Variants in MAPK10 observed in about 807,000 individuals in gnomAD.
MAPK10 encodes mitogen-activated protein kinase 10.
Under a neutral mutation model 59.3 loss-of-function variants are expected in MAPK10, and 25 were observed. That is an observed-to-expected ratio of 0.42 (90% confidence interval 0.31 to 0.59). The LOEUF (loss-of-function observed/expected upper bound fraction) is 0.59, where lower values mean the gene tolerates loss of function less well. Ranked by LOEUF, MAPK10 falls within the 20% of genes least tolerant of loss-of-function variation. The pLI, the probability that MAPK10 is intolerant of heterozygous loss-of-function variation, is 0.15. For missense variants in MAPK10, 351 were observed against 568.9 expected (o/e 0.62, Z 3.90); for synonymous variants, 190 against 200.5 (o/e 0.95, Z 0.44).
intron 2 of MAPK10, among the ~76,000 whole-genome samples, chr4:86,309,281 C>T (rs951422666): frequency 3.3e-5 from 5 of 152,152 alleles, no homozygotes; most frequent in African/African-American, 9.7e-5. Flanking sequence ...TGCTGCTCAG[C>T]GTGAATATCT....
At chr4:86,167,650 T>G (rs754148635) in intron 3 of MAPK10, among the ~76,000 whole-genome samples, 1 of 152,186 alleles carries the variant, frequency 6.6e-6, no homozygotes, top group East Asian at 1.9e-4. Context: ...AGAAAAGGCC[T>G]TTGATAAAAT....
At chr4:86,040,089 G>A (rs2041197873) in intron 11 of MAPK10, among the ~76,000 whole-genome samples, 1 of 152,142 alleles carries the variant, frequency 6.6e-6, no homozygotes, top group Non-Finnish European at 1.5e-5. Context: ...AGACATCAGT[G>A]TAAGGAAATA....
intron 1 of MAPK10, among the ~76,000 whole-genome samples, chr4:86,460,625 CCA>C (rs1190571416): frequency 1.3e-5 from 2 of 152,194 alleles, no homozygotes; most frequent in Non-Finnish European, 2.9e-5. Flanking sequence ...GCCATGACGC[CCA>C]CGCTGGAAGG....
intron 2 of MAPK10, among the ~76,000 whole-genome samples, chr4:86,317,292 C>A (rs2095806718): frequency 6.6e-6 from 1 of 152,178 alleles, no homozygotes; most frequent in Admixed American, 6.6e-5. Context: ...GCCTCCCATG[C>A]ATCTGAGGTT....
At chr4:86,546,147 T>C (rs772491518) in intron 1 of MAPK10, among the ~76,000 whole-genome samples, 20 of 152,086 alleles carry the variant, frequency 1.3e-4, no homozygotes, top group Non-Finnish European at 2.6e-4. Context: ...CTATTGAACC[T>C]GGGAGGCAGA....
At chr4:86,592,824 C>T (rs1258479652) in intron 1 of MAPK10, among the ~76,000 whole-genome samples, 1 of 152,236 alleles carries the variant, frequency 6.6e-6, no homozygotes, top group African/African-American at 2.4e-5. Context: ...CTTCCATAAA[C>T]TGAGGAATCC....
chr4:86,238,645 C>A (rs2092471641), intron 2 of MAPK10, among the ~76,000 whole-genome samples: 1 of 152,016 alleles, frequency 6.6e-6, no homozygotes, highest in African/African-American at 2.4e-5. Context: ...TGGCTCTCCG[C>A]TTGCCTATTG....
In MAPK10 at chr4:86,110,952, T is replaced by C. The variant is rs147295748; in HGVS notation, c.237-3600A>G. ...TTAAAGAAGTCCTTTATGTCCCTTGTTAGCTGTATTCCTAGGTATTTTATT... is the reference window on the plus strand; with the variant it reads ...TTAAAGAAGTCCTTTATGTCCCTTGCTAGCTGTATTCCTAGGTATTTTATT... On this transcript the variant is annotated intron_variant, in intron 4 of 13. Coordinates refer to ENST00000641462, the MANE Select transcript of MAPK10 (RefSeq NM_138982.4). Among the ~76,000 whole-genome samples the C allele has an allele frequency of 9.1e-3, 1,386 of 152,266 alleles. 10 individuals carry two copies. The highest frequency in any genetic ancestry group is 0.024 in the Middle Eastern group (7 of 294).
intron 1 of MAPK10, among the ~76,000 whole-genome samples, chr4:86,494,124 A>G (rs1427886518): frequency 2.6e-5 from 4 of 152,314 alleles, no homozygotes; most frequent in South Asian, 2.1e-4. Flanking sequence ...TTCTTTCTCC[A>G]TGCAGCTTAG....
intron 9 of MAPK10, among the ~76,000 whole-genome samples, chr4:86,077,354 G>T (rs186388722): frequency 6.6e-6 from 1 of 152,056 alleles, no homozygotes; most frequent in Non-Finnish European, 1.5e-5. Context: ...TTTCTAAAAC[G>T]ATAATGCCTT....
intron 10 of MAPK10, among the ~76,000 whole-genome samples, chr4:86,067,026 T>C (rs1044829516): frequency 6.6e-6 from 1 of 152,180 alleles, no homozygotes; most frequent in Non-Finnish European, 1.5e-5. Context: ...TATTAAAAAT[T>C]AAATTCAATA....
intron 11 of MAPK10, among the ~76,000 whole-genome samples, chr4:86,034,623 A>T (rs2039801430): frequency 1.3e-5 from 2 of 152,208 alleles, no homozygotes; most frequent in African/African-American, 4.8e-5. Flanking sequence ...GTGACTGCTG[A>T]CCACAAGGAG....
intron 2 of MAPK10, among the ~76,000 whole-genome samples, chr4:86,263,964 C>G (rs980025002): frequency 6.6e-6 from 1 of 152,156 alleles, no homozygotes; most frequent in African/African-American, 2.4e-5. Flanking sequence ...GCAAAAATCT[C>G]TCATTGCTAA....
intron 4 of MAPK10, among the ~76,000 whole-genome samples, chr4:86,136,434 T>A (rs560646183): frequency 6.6e-6 from 1 of 151,586 alleles, no homozygotes; most frequent in Non-Finnish European, 1.5e-5. Context: ...CCAGCCAAAC[T>A]AAGCTTCATA....
At chr4:86,566,575 C>A (rs1761074112) in intron 1 of MAPK10, among the ~76,000 whole-genome samples, 1 of 151,910 alleles carries the variant, frequency 6.6e-6, no homozygotes, top group Non-Finnish European at 1.5e-5. Flanking sequence ...ATTAGCCGGG[C>A]ATGGTGCTGG....
At chr4:86,168,073 A>C (rs1040514605) in intron 3 of MAPK10, among the ~76,000 whole-genome samples, 1 of 152,186 alleles carries the variant, frequency 6.6e-6, no homozygotes, top group Non-Finnish European at 1.5e-5. Context: ...AAGCATTCTG[A>C]GAGGACAGCC....
At chr4:86,395,113 A>G (rs1314747074) in intron 1 of MAPK10, among the ~76,000 whole-genome samples, 5 of 152,188 alleles carry the variant, frequency 3.3e-5, no homozygotes, top group Non-Finnish European at 7.3e-5. Context: ...TATTCCATAA[A>G]GCTATTTGGG....
chr4:86,482,913 T>C (rs1322534152), intron 1 of MAPK10, among the ~76,000 whole-genome samples: 1 of 152,220 alleles, frequency 6.6e-6, no homozygotes, highest in Admixed American at 6.6e-5. Flanking sequence ...TTCTCATTTA[T>C]TTTTTGTGTT....
At chr4:86,255,444 A>C (rs1338164875) in intron 2 of MAPK10, among the ~76,000 whole-genome samples, 2 of 152,188 alleles carry the variant, frequency 1.3e-5, no homozygotes, top group East Asian at 3.8e-4. Flanking sequence ...AGAGGAAGAC[A>C]TCTCGAGAGG....
Sources: gnomAD v4.1 joint callset for allele counts (sites outside exome capture counted in the v4.1 genomes callset) on GRCh38, gnomAD v4.1.1 for gene constraint, MANE v1.5 for transcripts, NCBI Gene and HGNC (gene_info 2026-07-23, HGNC 2026-07-21) for gene names.